The following ZBTB5 variants were observed in gnomAD, a reference collection of about 807,000 sequenced individuals.
ZBTB5 encodes zinc finger and BTB domain-containing protein 5.
Under a neutral mutation model 37.9 loss-of-function variants are expected in ZBTB5, and 15 were observed. The observed-to-expected ratio is 0.40, with a 90% confidence interval of 0.26 to 0.61. ZBTB5 has a LOEUF of 0.61. Ranked by LOEUF, ZBTB5 falls within the 20% of genes least tolerant of loss-of-function variation. The pLI is 0.47. For missense variants in ZBTB5, 708 were observed against 856.8 expected, an observed-to-expected ratio of 0.83 and a Z score of 2.17; for synonymous variants, 315 against 312.4, an observed-to-expected ratio of 1.01 and a Z score of -0.09.
intron 1 of ZBTB5, among the ~76,000 whole-genome samples, chr9:37,460,818 T>C (rs1302354013): frequency 6.6e-6 from 1 of 151,874 alleles, no homozygotes; most frequent in Non-Finnish European, 1.5e-5. Flanking sequence ...CAGTGAGTTA[T>C]GACCATCCCA....
Position 37,444,673 on chromosome 9 carries a change from T to C in ZBTB5, c.-4-2118A>G, listed in dbSNP as rs552532469. On this transcript the variant is annotated intron_variant, in intron 1 of 1. Coordinates refer to ENST00000307750, the MANE Select transcript of ZBTB5 (RefSeq NM_014872.3). ...GCACTAAAAGCTAGAAGATGACAGT[T>C]CCTTCAAAATTATCCAAGAAAATGA... Among the ~76,000 whole-genome samples, 81 of 152,318 alleles carry C rather than the reference T, an allele frequency of 5.3e-4. 1 individual carries two copies. Among genetic ancestry groups the C allele is most frequent in the Non-Finnish European group, 9.4e-4 (64 of 68,030 alleles).
In ZBTB5 at chr9:37,442,166, G is replaced by T. The variant is rs201436472; in HGVS notation, c.386C>A (p.Pro129His). The change falls in exon 2 of 2, where the codon CCC becomes CAC. Residue 129 changes from proline (P) to histidine (H), a missense_variant. By Grantham distance (77) the Pro-to-His change is moderately conservative. Around this residue, in one of 3 missense-constraint regions of ZBTB5, gnomAD observed 639 missense variants for 690.5 expected, o/e 0.93. Coordinates refer to ENST00000307750, the MANE Select transcript of ZBTB5 (RefSeq NM_014872.3). ...GCTCTGCTCCTGAACGCGCTCACTGGGGGGAGACATGGGCAGCGTCCTTGT... is the reference window on the plus strand; with the variant it reads ...GCTCTGCTCCTGAACGCGCTCACTGTGGGGAGACATGGGCAGCGTCCTTGT... ...LTTRTLPMSP[P>H]SERVQEQSAR... 2.9e-5 allele frequency: 47 copies of T among 1,614,072 alleles called. No homozygotes were observed. The Admixed American group carries it at 6.0e-4, about 21-fold the overall frequency.
intron 1 of ZBTB5, among the ~76,000 whole-genome samples, chr9:37,461,897 A>G (rs1279346309): frequency 1.3e-5 from 2 of 152,234 alleles, no homozygotes; most frequent in African/African-American, 2.4e-5. Flanking sequence ...ATAAGGAAAA[A>G]TATCACGCTC....
rs1823872439 is a variant in ZBTB5 at position 37,441,398 on chromosome 9, C to T, written c.1154G>A (p.Ser385Asn). The T allele has an allele frequency of 6.2e-7, 1 of 1,613,990 alleles. No homozygotes were observed. The highest frequency in any genetic ancestry group is 1.3e-5 in the African/African-American group (1 of 74,960). The change falls in exon 2 of 2, where the codon AGC (serine) becomes AAC (asparagine). Residue 385 changes from serine (S) to asparagine (N), a missense_variant. Around this residue, in one of 3 missense-constraint regions of ZBTB5, gnomAD observed 639 missense variants for 690.5 expected, o/e 0.93. Coordinates refer to ENST00000307750, the MANE Select transcript of ZBTB5 (RefSeq NM_014872.3). ...SDRSFSDPQS[S>N]TDRVGDIHIL... is the part of the protein sequence containing the mutation. ...ATGGATATCACCTACCCTGTCTGTG[C>T]TAGACTGGGGATCTGAAAAACTCCG...
rs1823838322 is a variant in ZBTB5, at chr9:37,440,324, C to T, written c.*194G>A. The T allele has an allele frequency of 1.7e-6, 1 of 575,916 alleles. No homozygotes were observed. Among genetic ancestry groups the T allele is most frequent in the East Asian group, 2.8e-5 (1 of 35,180 alleles). The allele number at this position is 575,916 out of a possible 1,614,324, so 35.7% of individuals were successfully genotyped here. ...AGCACCTGGTTTCAGGGATTGCATC[C>T]CTTTCCCAAGACGTGCACTTCACTC... On this transcript the variant is annotated 3_prime_UTR_variant, in exon 2 of 2. Transcript: ENST00000307750.
At chr9:37,445,489 A>G (rs535761855) in intron 1 of ZBTB5, among the ~76,000 whole-genome samples, 1 of 152,042 alleles carries the variant, frequency 6.6e-6, no homozygotes, top group African/African-American at 2.4e-5. Flanking sequence ...TCTTACTAAA[A>G]ATACAAAAAC....
chr9:37,443,680 T>C (rs1401112294), intron 1 of ZBTB5, among the ~76,000 whole-genome samples: 2 of 152,204 alleles, frequency 1.3e-5, no homozygotes, highest in Non-Finnish European at 2.9e-5. Flanking sequence ...TGTAATCCTA[T>C]AGCACTTTTG....
rs755897498 is a variant in ZBTB5, at chr9:37,442,163, C to T, written c.389G>A (p.Ser130Asn). 10 of 1,614,218 alleles carry T rather than the reference C, an allele frequency of 6.2e-6. No individual in the cohort carries two copies. Among genetic ancestry groups the T allele is most frequent in the Non-Finnish European group, 6.8e-6 (8 of 1,180,050 alleles). Residue 130 changes from serine (S) to asparagine (N), a missense_variant, in exon 2 of 2, where the codon AGT becomes AAT. Ser to Asn is a conservative substitution (Grantham distance 46). This residue lies in a region of ZBTB5 where 639 missense variants were observed against 690.5 expected (regional missense o/e 0.93). Coordinates refer to ENST00000307750, the MANE Select transcript of ZBTB5 (RefSeq NM_014872.3). Reference sequence around the variant, plus strand: ...GGCGCTCTGCTCCTGAACGCGCTCACTGGGGGGAGACATGGGCAGCGTCCT... The same window carrying T: ...GGCGCTCTGCTCCTGAACGCGCTCATTGGGGGGAGACATGGGCAGCGTCCT... Reference protein sequence around the residue: ...TTRTLPMSPPSERVQEQSARM... With the variant: ...TTRTLPMSPPNERVQEQSARM...
chr9:37,441,354 T>A lies in ZBTB5; in HGVS notation c.1198A>T (p.Asn400Tyr). The A allele has an allele frequency of 6.2e-7, 1 of 1,614,142 alleles. No individual in the cohort carries two copies. Residue 400 changes from asparagine (N) to tyrosine (Y), a missense_variant, in exon 2 of 2, where the codon AAC becomes TAC. Asn to Tyr is a moderately radical substitution (Grantham distance 143, BLOSUM62 -2). Coordinates refer to ENST00000307750, the MANE Select transcript of ZBTB5 (RefSeq NM_014872.3). ...CTAAAAGTGGACTTATGCTCTAGGT[T>A]ATTTGTGACTTCCAAAATATGGATA... is the stretch of plus-strand genomic sequence containing the variant. ...GDIHILEVTN[N>Y]LEHKSTFSIS...
intron 1 of ZBTB5, among the ~76,000 whole-genome samples, chr9:37,449,812 C>T (rs914232905): frequency 6.6e-6 from 1 of 151,858 alleles, no homozygotes; most frequent in Non-Finnish European, 1.5e-5. Flanking sequence ...AAAAAGCAGC[C>T]CCAAGTGATT....
rs541085495 is a variant in ZBTB5, at chr9:37,453,316, G to C, written c.-4-10761C>G. On this transcript the variant is annotated intron_variant, in intron 1 of 1. Transcript: ENST00000307750. The stretch of plus-strand genomic sequence containing the variant: ...AATCCTCCCACCTCAGCCTCCCGTT[G>C]GCTGGGATTACAGGCACAGACCACC... Among the ~76,000 whole-genome samples, 4 of 152,006 alleles carry C rather than the reference G, an allele frequency of 2.6e-5. No homozygotes were observed. In the East Asian group the frequency reaches 7.7e-4, roughly 29 times the overall value.
chr9:37,452,351 G>C (rs991847542), intron 1 of ZBTB5, among the ~76,000 whole-genome samples: 6 of 152,174 alleles, frequency 3.9e-5, no homozygotes, highest in Admixed American at 3.3e-4. Context: ...AATGCAGCAT[G>C]AGTTAAACCA....
Position 37,441,538 on chromosome 9 carries a change from C to T in ZBTB5, c.1014G>A (p.Glu338=), listed in dbSNP as rs763596573. 43 of 1,612,854 alleles carry T rather than the reference C, an allele frequency of 2.7e-5. 2 individuals carry two copies. In the South Asian group the frequency reaches 4.5e-4, roughly 17 times the overall value. ...VVKSEPLSSP[E]PQDEVSDVTS... The stretch of plus-strand genomic sequence containing the variant: ...TCACATCGCTCACTTCATCCTGAGG[C>T]TCAGGTGAGCTCAGGGGCTCAGATT... The change falls in exon 2 of 2, where the codon GAG becomes GAA. Residue 338 remains glutamate, a synonymous_variant. Coordinates refer to ENST00000307750, the MANE Select transcript of ZBTB5 (RefSeq NM_014872.3).
At chr9:37,462,490 T>A (rs923364142) in intron 1 of ZBTB5, among the ~76,000 whole-genome samples, 20 of 152,042 alleles carry the variant, frequency 1.3e-4, no homozygotes, top group African/African-American at 4.6e-4. Flanking sequence ...CTATTTTACA[T>A]ATATCTACCC....
At position 37,442,388 on chromosome 9, in the gene ZBTB5, A is replaced by G; in HGVS notation, c.164T>C (p.Val55Ala). The change falls in exon 2 of 2, where the codon GTG (valine) becomes GCG (alanine). Residue 55 changes from valine to alanine, a missense_variant. Physicochemically the swap from Val to Ala is moderately conservative, Grantham distance 64 (BLOSUM62 0). Transcript: ENST00000307750. ...CSTHFRALFS[V>A]AEGDQTMNMI... ...GTTCATGGTCTGATCTCCTTCTGCC[A>G]CTGAGAACAGGGCTCGGAAATGCGT... The G allele has an allele frequency of 6.2e-7, 1 of 1,614,150 alleles. No homozygotes were observed. The highest frequency in any genetic ancestry group is 8.5e-7 in the Non-Finnish European group (1 of 1,180,026).
intron 1 of ZBTB5, among the ~76,000 whole-genome samples, chr9:37,451,856 C>T: frequency 6.6e-6 from 1 of 152,070 alleles, no homozygotes; most frequent in East Asian, 1.9e-4. Context: ...GAATACAGAA[C>T]TGGTTGGCAG....
chr9:37,440,279 G>GC lies in ZBTB5; in HGVS notation c.*238dup. ...ATCAATTACAAACTACTTTCTGACT[G>GC]CATTACTCAACCCCAAGGAAGCACC... On this transcript the variant is annotated 3_prime_UTR_variant, in exon 2 of 2. Coordinates refer to ENST00000307750, the MANE Select transcript of ZBTB5 (RefSeq NM_014872.3). 2.0e-6 allele frequency: 1 copy of GC among 499,236 alleles called. No homozygotes were observed. Among genetic ancestry groups the GC allele is most frequent in the Non-Finnish European group, 3.5e-6 (1 of 283,552 alleles). The allele number at this position is 499,236 out of a possible 1,614,324, so 30.9% of individuals were successfully genotyped here.
intron 1 of ZBTB5, among the ~76,000 whole-genome samples, chr9:37,449,941 C>T (rs1440310382): frequency 6.6e-6 from 1 of 151,974 alleles, no homozygotes; most frequent in East Asian, 1.9e-4. Flanking sequence ...GCAATGTGTA[C>T]GGTAAGCAGC....
chr9:37,462,281 T>C (rs1197121075), intron 1 of ZBTB5, among the ~76,000 whole-genome samples: 1 of 152,188 alleles, frequency 6.6e-6, no homozygotes, highest in Non-Finnish European at 1.5e-5. Context: ...GAAAACTGTC[T>C]GCCAATGACT....
Sources: allele counts gnomAD v4.1 joint callset (sites outside exome capture counted in the v4.1 genomes callset), GRCh38; gene constraint gnomAD v4.1.1; regional missense constraint gnomAD v4.1.1; transcripts MANE v1.5; gene names NCBI Gene and HGNC (gene_info 2026-07-23, HGNC 2026-07-21).